The following WDHD1 variants were observed in gnomAD, a reference collection of about 807,000 sequenced individuals.
The protein encoded by WDHD1 is WD repeat and HMG-box DNA binding protein 1, also known as WD repeat and HMG-box DNA-binding protein 1.
Under a neutral mutation model 135.4 loss-of-function variants are expected in WDHD1, and 111 were observed. The observed-to-expected ratio is 0.82, with a 90% confidence interval of 0.70 to 0.96. The LOEUF is 0.96. Among genes scored for constraint, WDHD1 ranks in the 40% least tolerant of loss-of-function variants. WDHD1 has a pLI of 0.00. For missense variants in WDHD1, 1,351 were observed against 1,336.3 expected (o/e 1.01, Z -0.17); for synonymous variants, 434 against 439.0 (o/e 0.99, Z 0.14).
chr14:54,958,544 A>G (rs1469065246), intron 21 of WDHD1, among the ~76,000 whole-genome samples: 1 of 152,180 alleles, frequency 6.6e-6, no homozygotes, highest in Admixed American at 6.6e-5. Context: ...TCCTCTTGCT[A>G]AGGCCCTCAG....
chr14:54,939,836 G>A lies in WDHD1; in HGVS notation c.*1654C>T, dbSNP rs143101734. The A allele has an allele frequency of 3.3e-5, 5 of 152,152 alleles. No individual in the cohort carries two copies. In the East Asian group the frequency reaches 9.6e-4, roughly 29 times the overall value. The allele number at this position is 152,152 out of a possible 1,614,324, so 9.4% of individuals were successfully genotyped here. ...GCATTAGGTTGGCACAAAAGAAATC[G>A]CGGTTTTTGCCACTGAAATGGCGAA... On this transcript the variant is annotated 3_prime_UTR_variant, in exon 26 of 26. Coordinates refer to ENST00000360586, the MANE Select transcript of WDHD1 (RefSeq NM_007086.4).
chr14:54,954,787 C>T (rs1015167116), intron 24 of WDHD1, among the ~76,000 whole-genome samples: 6 of 152,012 alleles, frequency 3.9e-5, no homozygotes, highest in East Asian at 1.9e-4. Context: ...TGGAGTGCAG[C>T]GGTGTGATCT....
chr14:54,979,290 T>C (rs2041579159), intron 16 of WDHD1, among the ~76,000 whole-genome samples: 1 of 152,098 alleles, frequency 6.6e-6, no homozygotes, highest in African/African-American at 2.4e-5. Flanking sequence ...TAGCAGAGAC[T>C]ATAGGTGTGT....
chr14:54,978,998 C>A (rs1292919577), intron 16 of WDHD1, among the ~76,000 whole-genome samples: 1 of 151,900 alleles, frequency 6.6e-6, no homozygotes, highest in Non-Finnish European at 1.5e-5. Context: ...TCATTCCTTT[C>A]ATTGGCTCCT....
At position 54,975,918 on chromosome 14, in the gene WDHD1, G is replaced by A. The variant is rs757648930; in HGVS notation, c.2063+5622C>T. Among the ~76,000 whole-genome samples the A allele has an allele frequency of 5.7e-4, 87 of 152,168 alleles. 1 individual carries two copies. The highest frequency in any genetic ancestry group is 9.4e-4 in the Non-Finnish European group (64 of 68,028). ...AAAAAGAAAGCATAAATACCACTGAGTTGGGTTAGAAAATGCATTTAAAGT... is the reference window on the plus strand; with the variant it reads ...AAAAAGAAAGCATAAATACCACTGAATTGGGTTAGAAAATGCATTTAAAGT... On this transcript the variant is annotated intron_variant, in intron 16 of 25. Transcript: ENST00000360586.
At chr14:54,957,361 T>G (rs1311361286) in intron 22 of WDHD1, among the ~76,000 whole-genome samples, 157 bp from the exon 23 acceptor site, 2 of 152,200 alleles carry the variant, frequency 1.3e-5, no homozygotes, top group East Asian at 3.8e-4. Context: ...ATGATACGTA[T>G]ATTCCCAAAT....
chr14:54,987,752 G>A (rs1390535683), intron 13 of WDHD1, among the ~76,000 whole-genome samples: 7 of 151,890 alleles, frequency 4.6e-5, no homozygotes, highest in East Asian at 1.9e-4. Flanking sequence ...TCAGCCTCCC[G>A]AGTAGCTGGG....
Position 54,984,898 on chromosome 14 carries a change from G to A in WDHD1, c.1769-38C>T, listed in dbSNP as rs1442570408. 1.7e-5 allele frequency: 28 copies of A among 1,600,566 alleles called. No homozygotes were observed. In the East Asian group the frequency reaches 5.4e-4, roughly 31 times the overall value. On this transcript the variant is annotated intron_variant, in intron 14 of 25. Transcript: ENST00000360586. Reference sequence around the variant, plus strand: ...TGTAAATATAAATCAGGCATCAAAGGTTATCCAACTATAACGCAGTCTAAA... The same window carrying A: ...TGTAAATATAAATCAGGCATCAAAGATTATCCAACTATAACGCAGTCTAAA...
At position 54,955,704 on chromosome 14, in the gene WDHD1, C is replaced by A; in HGVS notation, c.2917-10G>T. 1 of 1,533,164 alleles carries A rather than the reference C, an allele frequency of 6.5e-7. No individual in the cohort carries two copies. Among genetic ancestry groups the A allele is most frequent in the Non-Finnish European group, 8.7e-7 (1 of 1,146,332 alleles). The allele number at this position is 1,533,164 out of a possible 1,614,324, so 95.0% of individuals were successfully genotyped here. On this transcript the variant is annotated splice_polypyrimidine_tract_variant and intron_variant, in intron 23 of 25. Coordinates refer to ENST00000360586, the MANE Select transcript of WDHD1 (RefSeq NM_007086.4). ...AGGATGCTGCAGATGCCTATAAAAA[C>A]AAACATGAATACTGCAATAACATCT...
At chr14:54,955,125 A>C (rs1450850605) in intron 24 of WDHD1, among the ~76,000 whole-genome samples, 25 of 152,232 alleles carry the variant, frequency 1.6e-4, no homozygotes, top group Admixed American at 1.6e-3. Flanking sequence ...TAAAACAAAA[A>C]ATAGACAAAT....
intron 7 of WDHD1, among the ~76,000 whole-genome samples, chr14:55,002,728 C>T (rs1304020569): frequency 6.6e-6 from 1 of 152,070 alleles, no homozygotes; most frequent in Admixed American, 6.6e-5. Flanking sequence ...CTTCAGCCTC[C>T]CAAATAGCTA....
At position 54,940,095 on chromosome 14, in the gene WDHD1, T is replaced by C. The variant is rs769146082; in HGVS notation, c.*1395A>G. 6.6e-6 allele frequency: 1 copy of C among 152,194 alleles called. No homozygotes were observed. The highest frequency in any genetic ancestry group is 1.5e-5 in the Non-Finnish European group (1 of 68,032). The allele number at this position is 152,194 out of a possible 1,614,324, so 9.4% of individuals were successfully genotyped here. A position where few individuals can be genotyped will look rare whatever the true frequency, so the allele number is the denominator to read the frequency against. ...TTATCAGAATAGTAACTAACATTTA[T>C]ATAAAAGATTACTATGTGTCAGAAA... On this transcript the variant is annotated 3_prime_UTR_variant, in exon 26 of 26. Coordinates refer to ENST00000360586, the MANE Select transcript of WDHD1 (RefSeq NM_007086.4).
intron 24 of WDHD1, among the ~76,000 whole-genome samples, chr14:54,945,213 T>A (rs913826747): frequency 6.6e-6 from 1 of 152,186 alleles, no homozygotes; most frequent in Non-Finnish European, 1.5e-5. Flanking sequence ...CTGACCTGCA[T>A]CAGCATTAGG....
chr14:54,963,109 C>A lies in WDHD1; in HGVS notation c.2374G>T (p.Ala792Ser), dbSNP rs750324555. ...VELADLMTQN[A>S]VNLAIKYASR... is the part of the protein sequence containing the mutation. ...GCATATTTAATGGCTAAATTCACAG[C>A]ATTTTGAGTCATTAGATCAGCAAGT... The change falls in exon 19 of 26, where the codon GCT (alanine) becomes TCT (serine). Residue 792 changes from alanine (A) to serine (S), a missense_variant. By Grantham distance (99) the Ala-to-Ser change is moderately conservative (BLOSUM62 1). Transcript: ENST00000360586. The A allele has an allele frequency of 1.3e-6, 2 of 1,513,284 alleles. No homozygotes were observed. Among genetic ancestry groups the A allele is most frequent in the East Asian group, 5.3e-5 (2 of 37,652 alleles). The allele number at this position is 1,513,284 out of a possible 1,614,324, so 93.7% of individuals were successfully genotyped here. A position where few individuals can be genotyped will look rare whatever the true frequency, so the allele number is the denominator to read the frequency against.
intron 22 of WDHD1, 130 bp downstream of exon 22, chr14:54,957,462 T>C (rs2041179328): frequency 1.1e-6 from 1 of 919,692 alleles, no homozygotes; most frequent in Non-Finnish European, 1.6e-6. Flanking sequence ...CAAGTGCTGC[T>C]TTCTTCTGTT....
At chr14:54,955,072 A>G (rs761139664) in intron 24 of WDHD1, among the ~76,000 whole-genome samples, 1 of 152,236 alleles carries the variant, frequency 6.6e-6, no homozygotes, top group African/African-American at 2.4e-5. Flanking sequence ...ATAAGCTACA[A>G]AAGCTATTGT....
In WDHD1 at chr14:54,985,229, T is replaced by A. The variant is rs147937197; in HGVS notation, c.1769-369A>T. On this transcript the variant is annotated intron_variant, in intron 14 of 25. Coordinates refer to ENST00000360586, the MANE Select transcript of WDHD1 (RefSeq NM_007086.4). ...AAACACAAAAAGAACAAAAAAATTA[T>A]CACAAAGTTAAAATAATGTGATACA... is the stretch of plus-strand genomic sequence containing the variant. Among the ~76,000 whole-genome samples, 806 of 152,274 alleles carry A rather than the reference T, an allele frequency of 5.3e-3. 10 individuals are homozygous for A. Among genetic ancestry groups the A allele is most frequent in the African/African-American group, 0.018 (762 of 41,568 alleles).
rs762865916 is a variant in WDHD1 at position 54,963,181 on chromosome 14, A to T, written c.2311-9T>A. Reference sequence around the variant, plus strand: ...TCCAGTTTACAAGAAAGCTAATCCAAAAAGGGGGGGGGGGGGGAGATCAAA... The same window carrying T: ...TCCAGTTTACAAGAAAGCTAATCCATAAAGGGGGGGGGGGGGGAGATCAAA... On this transcript the variant is annotated splice_polypyrimidine_tract_variant and intron_variant, in intron 18 of 25. Coordinates refer to ENST00000360586, the MANE Select transcript of WDHD1 (RefSeq NM_007086.4). 1.2e-5 allele frequency: 4 copies of T among 323,478 alleles called. No homozygotes were observed. The highest frequency in any genetic ancestry group is 2.5e-5 in the Non-Finnish European group (4 of 159,888). The allele number at this position is 323,478 out of a possible 1,614,324, so 20.0% of individuals were successfully genotyped here.
chr14:54,960,565 T>C (rs920888626), intron 21 of WDHD1, among the ~76,000 whole-genome samples: 1 of 146,472 alleles, frequency 6.8e-6, no homozygotes, highest in Non-Finnish European at 1.5e-5. Flanking sequence ...AGTGGCGTGA[T>C]CTCCACTTAC....
Sources: allele counts gnomAD v4.1 joint callset (sites outside exome capture counted in the v4.1 genomes callset), GRCh38; gene constraint gnomAD v4.1.1; transcripts MANE v1.5; gene names NCBI Gene and HGNC (gene_info 2026-07-23, HGNC 2026-07-21).